Variants in FHIT observed in about 807,000 individuals in gnomAD.
FHIT encodes the protein bis(5'-adenosyl)-triphosphatase.
FHIT carries 19 observed loss-of-function variants against 17.9 expected under a neutral mutation model. The ratio of observed to expected loss-of-function variants is 1.06; its 90% CI spans 0.74 to 1.56. The LOEUF (loss-of-function observed/expected upper bound fraction) is 1.56. FHIT is among the 40% of genes most tolerant of loss of function. FHIT has a pLI of 0.00. For missense variants in FHIT, 248 were observed against 189.2 expected, an observed-to-expected ratio of 1.31 and a Z score of -1.82; for synonymous variants, 81 against 69.7, an observed-to-expected ratio of 1.16 and a Z score of -0.81.
At chr3:59,846,456 CAACT>C (rs2106771861) in intron 8 of FHIT, among the ~76,000 whole-genome samples, 1 of 152,110 alleles carries the variant, frequency 6.6e-6, no homozygotes, top group African/African-American at 2.4e-5. Context: ...CTCAAAACAT[CAACT>C]AATAATTTTT....
chr3:61,086,175 C>A (rs2035301094), intron 2 of FHIT, among the ~76,000 whole-genome samples: 1 of 152,070 alleles, frequency 6.6e-6, no homozygotes, highest in Non-Finnish European at 1.5e-5. Flanking sequence ...TTTTCTCAGA[C>A]CTAATCTTAG....
intron 3 of FHIT, among the ~76,000 whole-genome samples, chr3:60,951,870 G>A (rs1553777292): frequency 6.6e-6 from 1 of 152,052 alleles, no homozygotes; most frequent in Non-Finnish European, 1.5e-5. Flanking sequence ...GGGGCAGAAA[G>A]GATTCCACTT....
At chr3:60,451,596 T>C (rs1366273359) in intron 5 of FHIT, among the ~76,000 whole-genome samples, 2 of 152,188 alleles carry the variant, frequency 1.3e-5, no homozygotes, top group Admixed American at 6.5e-5. Context: ...GGATATTAAA[T>C]ATCAGTTGAT....
intron 8 of FHIT, among the ~76,000 whole-genome samples, chr3:59,776,307 C>A (rs517644): frequency 6.6e-6 from 1 of 152,030 alleles, no homozygotes; most frequent in Non-Finnish European, 1.5e-5. Context: ...TGAGACAGAC[C>A]GCTGCTGTTC....
intron 8 of FHIT, among the ~76,000 whole-genome samples, chr3:59,920,982 T>A (rs1355969815): frequency 6.6e-6 from 1 of 152,176 alleles, no homozygotes; most frequent in East Asian, 1.9e-4. Context: ...CTGTGCAATC[T>A]ACTTGATCAG....
At chr3:60,480,319 T>C (rs2033552216) in intron 5 of FHIT, among the ~76,000 whole-genome samples, 1 of 152,078 alleles carries the variant, frequency 6.6e-6, no homozygotes, top group Non-Finnish European at 1.5e-5. Context: ...CAAGAGGAGA[T>C]TTGAATGGCA....
At chr3:61,043,301 T>C (rs1416319960) in intron 2 of FHIT, among the ~76,000 whole-genome samples, 1 of 152,078 alleles carries the variant, frequency 6.6e-6, no homozygotes, top group Non-Finnish European at 1.5e-5. Flanking sequence ...CACCAGGAGA[T>C]TATATCCCGC....
At chr3:60,215,014 TTGAGGAGGGAGA>T (rs1703633320) in intron 5 of FHIT, among the ~76,000 whole-genome samples, 1 of 151,778 alleles carries the variant, frequency 6.6e-6, no homozygotes. Flanking sequence ...TGAGGACTGC[TTGAGGAGGGAGA>T]TGAGGAGGGG....
At chr3:59,774,829 C>T (rs2106850082) in intron 8 of FHIT, among the ~76,000 whole-genome samples, 1 of 152,252 alleles carries the variant, frequency 6.6e-6, no homozygotes, top group Middle Eastern at 3.4e-3. Flanking sequence ...GCTCCACGGC[C>T]AGAAAGTGGC....
At chr3:60,902,245 AT>A (rs2107228361) in intron 3 of FHIT, among the ~76,000 whole-genome samples, 1 of 152,366 alleles carries the variant, frequency 6.6e-6, no homozygotes, top group African/African-American at 2.4e-5. Context: ...AAAACATCAT[AT>A]AAATGCAATC....
At chr3:60,617,250 T>G (rs2038978833) in intron 4 of FHIT, 1 of 165,030 alleles carries the variant, frequency 6.1e-6, no homozygotes, top group African/African-American at 2.4e-5. Flanking sequence ...CAGATCTTGA[T>G]ACTGTAAATA....
chr3:60,141,636 C>T (rs1700043093), intron 5 of FHIT, among the ~76,000 whole-genome samples: 1 of 152,126 alleles, frequency 6.6e-6, no homozygotes, highest in African/African-American at 2.4e-5. Context: ...ACTTATTCTG[C>T]CTAGAGCCAA....
chr3:60,031,851 A>T (rs1701017508), intron 5 of FHIT, among the ~76,000 whole-genome samples: 1 of 152,186 alleles, frequency 6.6e-6, no homozygotes, highest in Non-Finnish European at 1.5e-5. Context: ...ATTTTTACTA[A>T]TTTTTAACTA....
intron 5 of FHIT, among the ~76,000 whole-genome samples, chr3:60,482,827 C>T (rs1236921478): frequency 1.3e-5 from 2 of 151,172 alleles, no homozygotes; most frequent in Non-Finnish European, 2.9e-5. Context: ...TAACTAAGAT[C>T]AGAGCAGAAC....
At chr3:60,124,444 G>A (rs2178929) in intron 5 of FHIT, among the ~76,000 whole-genome samples, 74,749 of 151,840 alleles carry the variant, frequency 0.49, 19,000 homozygotes, top group African/African-American at 0.59. Context: ...CTTCATCCTT[G>A]GATACCTATT....
rs965095686 is a variant in FHIT, at chr3:60,269,866, T to TA, written c.104-255715dup. ...TTTAAAAAACTGCCATTTCGGTTCA[T>TA]AAAAAATGGGGAGTTACACCCCTAT... On this transcript the variant is annotated intron_variant, in intron 5 of 9. Coordinates refer to ENST00000492590, the MANE Select transcript of FHIT (RefSeq NM_002012.4). Among the ~76,000 whole-genome samples, 113 of 152,278 alleles carry TA rather than the reference T, an allele frequency of 7.4e-4. 1 individual carries two copies. Among genetic ancestry groups the TA allele is most frequent in the African/African-American group, 2.5e-3 (106 of 41,580 alleles).
intron 3 of FHIT, among the ~76,000 whole-genome samples, chr3:60,953,587 T>C (rs1708985722): frequency 6.6e-6 from 1 of 152,136 alleles, no homozygotes; most frequent in Non-Finnish European, 1.5e-5. Flanking sequence ...TTTTATCACG[T>C]GGTCTATCAG....
intron 3 of FHIT, among the ~76,000 whole-genome samples, chr3:60,955,812 A>G (rs1370138403): frequency 6.6e-6 from 1 of 151,932 alleles, no homozygotes; most frequent in Non-Finnish European, 1.5e-5. Context: ...TGGTAATGTT[A>G]CAGTTCTTAA....
At chr3:60,014,205 C>T (rs1223574401) in intron 5 of FHIT, 53 bp from the exon 6 acceptor site, 4 of 1,593,134 alleles carry the variant, frequency 2.5e-6, no homozygotes, top group Admixed American at 1.7e-5. Flanking sequence ...AGTGTTCTTA[C>T]CAAGCAGTTC....
Sources: gnomAD v4.1 joint callset for allele counts (sites outside exome capture counted in the v4.1 genomes callset) on GRCh38, gnomAD v4.1.1 for gene constraint, MANE v1.5 for transcripts, NCBI Gene and HGNC (gene_info 2026-07-23, HGNC 2026-07-21) for gene names.